The following FSD2 variants were observed in gnomAD, a reference collection of about 807,000 sequenced individuals.
FSD2 encodes the protein fibronectin type III and SPRY domain-containing protein 2.
Under a neutral mutation model 80.4 loss-of-function variants are expected in FSD2, and 71 were observed. The observed-to-expected ratio is 0.88, with a 90% CI of 0.73 to 1.08. FSD2 has a LOEUF of 1.08. Ranked by LOEUF, FSD2 falls within the 50% of genes least tolerant of loss-of-function variation. FSD2 has a pLI of 0.00. For synonymous variants in FSD2, 361 were observed against 329.5 expected (o/e 1.10, Z -1.03); for missense variants, 923 against 913.8 (o/e 1.01, Z -0.13).
intron 1 of FSD2, among the ~76,000 whole-genome samples, chr15:82,788,995 G>T (rs1471001427): frequency 6.6e-6 from 1 of 150,618 alleles, no homozygotes; most frequent in Non-Finnish European, 1.5e-5. Context: ...AAAAAAAAGT[G>T]TTCATACTCT....
chr15:82,792,788 G>A lies in FSD2; in HGVS notation c.-78-5320C>T, dbSNP rs369227738. Among the ~76,000 whole-genome samples, 4 of 152,220 alleles carry A rather than the reference G, an allele frequency of 2.6e-5. No homozygotes were observed. In the South Asian group the frequency reaches 6.2e-4, roughly 24 times the overall value. On this transcript the variant is annotated intron_variant, in intron 1 of 12. Coordinates refer to ENST00000334574, the MANE Select transcript of FSD2 (RefSeq NM_001007122.4). ...AGAGGGATTACAGGCATGAGCCACC[G>A]TGTCTGGCCTAAGTTTTTGTCATAT...
intron 9 of FSD2, among the ~76,000 whole-genome samples, 160 bp downstream of exon 9, chr15:82,768,720 A>G (rs976202474): frequency 4.6e-5 from 7 of 152,248 alleles, no homozygotes; most frequent in African/African-American, 7.2e-5. Context: ...CTTCAGTAAT[A>G]GCATTCCAGC....
intron 1 of FSD2, among the ~76,000 whole-genome samples, chr15:82,793,543 C>G (rs1436765132): frequency 6.6e-6 from 1 of 152,128 alleles, no homozygotes; most frequent in Non-Finnish European, 1.5e-5. Context: ...CTAGGAGAGA[C>G]AGTGAAGATG....
At chr15:82,764,311 T>G (rs2049358257) in intron 11 of FSD2, among the ~76,000 whole-genome samples, 1 of 152,070 alleles carries the variant, frequency 6.6e-6, no homozygotes, top group Non-Finnish European at 1.5e-5. Flanking sequence ...TAACTTCACT[T>G]TAGCCACTTC....
intron 7 of FSD2, 93 bp downstream of exon 7, chr15:82,771,980 C>T: frequency 7.6e-7 from 1 of 1,315,214 alleles, no homozygotes; most frequent in South Asian, 1.6e-5. Context: ...CATCCTGTCT[C>T]TACCATCCCA....
At position 82,759,527 on chromosome 15, in the gene FSD2, T is replaced by A. The variant is rs2049240231; in HGVS notation, c.2071A>T (p.Ile691Phe). 2 of 1,610,266 alleles carry A rather than the reference T, an allele frequency of 1.2e-6. No homozygotes were observed. Among genetic ancestry groups the A allele is most frequent in the South Asian group, 2.2e-5 (2 of 90,336 alleles). ...TTTGAATGTTCATAGTCTAATAGAA[T>A]GCCAATCTTCTTTGGTGGAACTGTT... is the stretch of plus-strand genomic sequence containing the variant. ...RITVPPKKIG[I>F]LLDYEHSKLS... Residue 691 changes from isoleucine to phenylalanine, a missense_variant, in exon 13 of 13, where the codon ATT becomes TTT. By Grantham distance (21) the Ile-to-Phe change is conservative. Coordinates refer to ENST00000334574, the MANE Select transcript of FSD2 (RefSeq NM_001007122.4).
chr15:82,791,523 G>C (rs1270370587), intron 1 of FSD2, among the ~76,000 whole-genome samples: 1 of 151,654 alleles, frequency 6.6e-6, no homozygotes, highest in Non-Finnish European at 1.5e-5. Context: ...GGCACTTGCC[G>C]CCATGCCTGG....
At chr15:82,775,452 T>G (rs2049693633) in intron 6 of FSD2, among the ~76,000 whole-genome samples, 1 of 152,112 alleles carries the variant, frequency 6.6e-6, no homozygotes, top group Admixed American at 6.5e-5. Context: ...CCTTTTTCCT[T>G]TTCAGTTTGG....
chr15:82,804,839 G>A (rs566019944), intron 1 of FSD2, among the ~76,000 whole-genome samples: 1 of 152,174 alleles, frequency 6.6e-6, no homozygotes, highest in Non-Finnish European at 1.5e-5. Context: ...CAGTGTCAAA[G>A]TAGGAATTTT....
intron 1 of FSD2, among the ~76,000 whole-genome samples, chr15:82,797,603 G>A (rs1437965723): frequency 6.6e-6 from 1 of 152,208 alleles, no homozygotes; most frequent in African/African-American, 2.4e-5. Flanking sequence ...GAGGTCAGGA[G>A]ATCGAAACCG....
chr15:82,765,681 A>G (rs995585800), intron 10 of FSD2, among the ~76,000 whole-genome samples: 3 of 152,142 alleles, frequency 2.0e-5, no homozygotes, highest in Non-Finnish European at 2.9e-5. Context: ...TTTCTAACCT[A>G]TTTGCCAAGG....
At position 82,787,074 on chromosome 15, in the gene FSD2, T is replaced by C; in HGVS notation, c.317A>G (p.Tyr106Cys). ...PRTGVSEYPP[Y>C]MMKRRDPARE... The stretch of plus-strand genomic sequence containing the variant: ...GGCTGGGTCTCTCCTCTTCATCATA[T>C]AAGGAGGATATTCTGAAACCCCTGT... Residue 106 changes from tyrosine (Y) to cysteine (C), a missense_variant, in exon 2 of 13, where the codon TAT (tyrosine) becomes TGT (cysteine). Physicochemically the swap from Tyr to Cys is radical, Grantham distance 194. Coordinates refer to ENST00000334574, the MANE Select transcript of FSD2 (RefSeq NM_001007122.4). 6.2e-7 allele frequency: 1 copy of C among 1,613,976 alleles called. No individual in the cohort carries two copies.
At chr15:82,802,056 A>G (rs1210164014) in intron 1 of FSD2, among the ~76,000 whole-genome samples, 1 of 152,062 alleles carries the variant, frequency 6.6e-6, no homozygotes, top group South Asian at 2.1e-4. Context: ...AGTTTTCTTT[A>G]TGGGGAGGTT....
At chr15:82,788,935 C>A (rs552549903) in intron 1 of FSD2, among the ~76,000 whole-genome samples, 1 of 150,876 alleles carries the variant, frequency 6.6e-6, no homozygotes, top group African/African-American at 2.4e-5. Flanking sequence ...GCCATGATTG[C>A]GCCAGTGTAC....
chr15:82,766,716 G>A (rs1302719370), intron 9 of FSD2, among the ~76,000 whole-genome samples: 10 of 150,002 alleles, frequency 6.7e-5, no homozygotes, highest in Non-Finnish European at 1.5e-4. Flanking sequence ...CTGCACTCCT[G>A]GGCGACAGAG....
At chr15:82,760,361 A>G (rs902332579) in intron 12 of FSD2, among the ~76,000 whole-genome samples, 1 of 152,178 alleles carries the variant, frequency 6.6e-6, no homozygotes, top group Non-Finnish European at 1.5e-5. Context: ...AATCAATACT[A>G]TATCACTATC....
rs925808168 is a variant in FSD2 at position 82,785,719 on chromosome 15, CAA to C, written c.735+790_735+791del. On this transcript the variant is annotated intron_variant, in intron 3 of 12. Transcript: ENST00000334574. Reference sequence around the variant, plus strand: ...GTGGGTATTTTGCCTCTTAGAACAACAAAAAAGTGTTTGACAGTCTACACCTG... The same window carrying C: ...GTGGGTATTTTGCCTCTTAGAACAACAAAAGTGTTTGACAGTCTACACCTG... Among the ~76,000 whole-genome samples the C allele has an allele frequency of 9.2e-5, 14 of 151,904 alleles. 1 individual carries two copies. Among genetic ancestry groups the C allele is most frequent in the African/African-American group, 3.4e-4 (14 of 41,434 alleles).
At position 82,755,408 on chromosome 15, in the gene FSD2, G is replaced by A. The variant is rs1361787039; in HGVS notation, c.*3940C>T. 6.6e-6 allele frequency: 1 copy of A among 152,132 alleles called. No homozygotes were observed. The highest frequency in any genetic ancestry group is 1.9e-4 in the East Asian group (1 of 5,192). 9.4% of individuals were successfully genotyped at this position (152,132 alleles called of 1,614,324 possible). On this transcript the variant is annotated 3_prime_UTR_variant, in exon 13 of 13. Coordinates refer to ENST00000334574, the MANE Select transcript of FSD2 (RefSeq NM_001007122.4). ...ATTTGCTATGTCTGAGTGACTACAT[G>A]TTGTTTGAATCAACTGCAGGCTAAT... is the stretch of plus-strand genomic sequence containing the variant.
At chr15:82,773,315 G>A (rs8028133) in intron 6 of FSD2, among the ~76,000 whole-genome samples, 71,115 of 152,068 alleles carry the variant, frequency 0.47, 16,646 homozygotes, top group Admixed American at 0.5. Context: ...CTGAAAGATC[G>A]TAATGTGACA....
Sources: allele counts gnomAD v4.1 joint callset (sites outside exome capture counted in the v4.1 genomes callset), GRCh38; gene constraint gnomAD v4.1.1; transcripts MANE v1.5; gene names NCBI Gene and HGNC (gene_info 2026-07-23, HGNC 2026-07-21).